The following ADA variants were observed in gnomAD, a reference collection of about 807,000 sequenced individuals.
ADA encodes the protein adenosine aminohydrolase.
ADA carries 45 observed loss-of-function variants against 49.0 expected under a neutral mutation model. The ratio of observed to expected loss-of-function variants is 0.92; its 90% CI spans 0.72 to 1.18. The LOEUF is 1.18. Ranked by LOEUF, ADA falls within the 50% of genes most tolerant of loss-of-function variation. The probability of loss-of-function intolerance (pLI) is 0.00; values close to 1 mark genes in which losing one functional copy is unlikely to be tolerated. For missense variants in ADA, 445 were observed against 472.5 expected (o/e 0.94, Z 0.54); for synonymous variants, 173 against 184.2 (o/e 0.94, Z 0.49).
intron 1 of ADA, among the ~76,000 whole-genome samples, chr20:44,644,542 T>A (rs923937843): frequency 6.6e-6 from 1 of 152,224 alleles, no homozygotes. Context: ...AGAACCCAGA[T>A]GAGCCACAGG....
intron 1 of ADA, among the ~76,000 whole-genome samples, chr20:44,642,472 G>A (rs1422925762): frequency 6.6e-6 from 1 of 152,234 alleles, no homozygotes; most frequent in Non-Finnish European, 1.5e-5. Context: ...CCAGGGAGAA[G>A]AAAGAAGGAG....
At chr20:44,650,032 G>C (rs1003319375) in intron 1 of ADA, among the ~76,000 whole-genome samples, 1 of 152,176 alleles carries the variant, frequency 6.6e-6, no homozygotes, top group Non-Finnish European at 1.5e-5. Flanking sequence ...ACTGCACCCC[G>C]CCAATCAAAG....
intron 2 of ADA, chr20:44,635,999 G>C: frequency 1.7e-6 from 1 of 573,716 alleles, no homozygotes; most frequent in Non-Finnish European, 3.1e-6. Flanking sequence ...CCTGACACCA[G>C]GAGGACAAGA....
chr20:44,634,081 C>T (rs2065457376), intron 2 of ADA, among the ~76,000 whole-genome samples: 1 of 152,252 alleles, frequency 6.6e-6, no homozygotes, highest in Non-Finnish European at 1.5e-5. Context: ...GACCAGTGCC[C>T]CTCCCGGCGG....
At chr20:44,624,656 T>G (rs2065365355) in intron 5 of ADA, among the ~76,000 whole-genome samples, 1 of 152,230 alleles carries the variant, frequency 6.6e-6, no homozygotes, top group Non-Finnish European at 1.5e-5. Flanking sequence ...ACCTGGTGTT[T>G]CCAACAACAC....
chr20:44,629,318 G>A (rs779033788), intron 2 of ADA, 149 bp from the exon 3 acceptor site: 12 of 1,194,444 alleles, frequency 1.0e-5, no homozygotes, highest in Non-Finnish European at 1.4e-5. Flanking sequence ...TGCTCCCACT[G>A]GACAGATGGG....
chr20:44,631,305 T>C (rs1198316719), intron 2 of ADA, among the ~76,000 whole-genome samples: 1 of 152,018 alleles, frequency 6.6e-6, no homozygotes, highest in African/African-American at 2.4e-5. Flanking sequence ...CCCTAATCCC[T>C]GTAAGAGCCT....
chr20:44,636,416 G>A, intron 1 of ADA, 128 bp from the exon 2 acceptor site: 1 of 800,510 alleles, frequency 1.2e-6, no homozygotes, highest in Non-Finnish European at 2.1e-6. Context: ...CATTTTACTG[G>A]CTGGCTGCTG....
intron 3 of ADA, among the ~76,000 whole-genome samples, chr20:44,628,020 C>T (rs942462604): frequency 2.6e-5 from 4 of 152,240 alleles, no homozygotes; most frequent in African/African-American, 7.2e-5. Flanking sequence ...CACAAATTGG[C>T]CTGCCAGGGC....
At chr20:44,631,181 C>T (rs2065429860) in intron 2 of ADA, among the ~76,000 whole-genome samples, 1 of 152,202 alleles carries the variant, frequency 6.6e-6, no homozygotes, top group Admixed American at 6.5e-5. Flanking sequence ...TGAATGTGCT[C>T]CCTTCCCCAT....
intron 2 of ADA, 22 bp from the exon 3 acceptor site, chr20:44,629,191 G>A (rs1299221862): frequency 7.4e-6 from 12 of 1,614,028 alleles, no homozygotes; most frequent in Non-Finnish European, 1.0e-5. Context: ...ACAGTGAGTG[G>A]TGGACCAACC....
intron 3 of ADA, among the ~76,000 whole-genome samples, chr20:44,627,525 C>G (rs909906799): frequency 1.2e-4 from 18 of 152,264 alleles, no homozygotes; most frequent in Middle Eastern, 3.4e-3. Flanking sequence ...TTCTCCTGGG[C>G]TTTCTTTTTC....
At chr20:44,621,752 G>T (rs1324737200) in intron 9 of ADA, among the ~76,000 whole-genome samples, 2 of 152,052 alleles carry the variant, frequency 1.3e-5, no homozygotes, top group African/African-American at 4.8e-5. Flanking sequence ...AAATACCATT[G>T]TCCTTCTGGG....
At chr20:44,638,209 CT>C (rs1289987660) in intron 1 of ADA, among the ~76,000 whole-genome samples, 1 of 152,206 alleles carries the variant, frequency 6.6e-6, no homozygotes, top group Non-Finnish European at 1.5e-5. Context: ...TCCTTCTAGG[CT>C]TCATGAGGGT....
At chr20:44,622,506 G>T in intron 9 of ADA, 82 bp downstream of exon 9, 1 of 1,520,988 alleles carries the variant, frequency 6.6e-7, no homozygotes, top group Non-Finnish European at 9.1e-7. Context: ...CGCGGCATGG[G>T]CTGATGCCCA....
intron 1 of ADA, among the ~76,000 whole-genome samples, chr20:44,639,591 T>C (rs1472399523): frequency 6.6e-6 from 1 of 152,000 alleles, no homozygotes; most frequent in Non-Finnish European, 1.5e-5. Context: ...TTTTGTATTT[T>C]TAGTAGAGAT....
intron 3 of ADA, among the ~76,000 whole-genome samples, chr20:44,628,231 G>A (rs1486660801): frequency 6.6e-6 from 1 of 152,146 alleles, no homozygotes; most frequent in Non-Finnish European, 1.5e-5. Context: ...GCATCTTCAG[G>A]ATGAGGATGG....
chr20:44,619,865 G>A lies in ADA; in HGVS notation c.1079-18C>T, dbSNP rs762154117. 3 of 1,614,014 alleles carry A rather than the reference G, an allele frequency of 1.9e-6. No individual in the cohort carries two copies. The Admixed American group carries it at 5.0e-5, about 27-fold the overall frequency. On this transcript the variant is annotated intron_variant, in intron 11 of 11. Coordinates refer to ENST00000372874, the MANE Select transcript of ADA (RefSeq NM_000022.4). ...GTTCTGCCCTGCTCGTTGGTTCAGA[G>A]AAGCAAAAAGATCAGGCAACTTGTA... is the stretch of plus-strand genomic sequence containing the variant.
intron 2 of ADA, among the ~76,000 whole-genome samples, chr20:44,635,413 G>A (rs980005792): frequency 6.6e-6 from 1 of 152,168 alleles, no homozygotes; most frequent in Admixed American, 6.5e-5. Context: ...ATTAATTTGT[G>A]TGACCGTGGA....
Sources: allele counts gnomAD v4.1 joint callset (sites outside exome capture counted in the v4.1 genomes callset), GRCh38; gene constraint gnomAD v4.1.1; transcripts MANE v1.5; gene names NCBI Gene and HGNC (gene_info 2026-07-23, HGNC 2026-07-21).